Variants in KIAA1671 observed in about 807,000 individuals in gnomAD.
The protein encoded by KIAA1671 is uncharacterized protein KIAA1671.
Under a neutral mutation model 131.2 loss-of-function variants are expected in KIAA1671, and 52 were observed. The ratio of observed to expected loss-of-function variants is 0.40; its 90% CI spans 0.32 to 0.50. KIAA1671 has a LOEUF of 0.50. Among genes scored for constraint, KIAA1671 ranks in the 20% least tolerant of loss-of-function variants. The probability of loss-of-function intolerance (pLI) is 0.73; values close to 1 mark genes in which losing one functional copy is unlikely to be tolerated. For missense variants in KIAA1671, 2,360 were observed against 2,364.2 expected (o/e 1.00, Z 0.04); for synonymous variants, 1,003 against 961.6 (o/e 1.04, Z -0.80).
At chr22:25,143,695 G>A (rs1339019002) in intron 6 of KIAA1671, among the ~76,000 whole-genome samples, 1 of 152,126 alleles carries the variant, frequency 6.6e-6, no homozygotes, top group African/African-American at 2.4e-5. Flanking sequence ...CCCTGCAGAT[G>A]ACATGCACCA....
chr22:25,160,709 A>G (rs898468635), intron 6 of KIAA1671, among the ~76,000 whole-genome samples: 1 of 152,116 alleles, frequency 6.6e-6, no homozygotes, highest in Non-Finnish European at 1.5e-5. Flanking sequence ...ACACCTGACT[A>G]CACCTGGCCA....
Position 25,039,799 on chromosome 22 carries a change from C to T in KIAA1671, c.2669C>T (p.Ala890Val). 1 of 1,516,288 alleles carries T rather than the reference C, an allele frequency of 6.6e-7. No individual in the cohort carries two copies. Among genetic ancestry groups the T allele is most frequent in the Non-Finnish European group, 8.9e-7 (1 of 1,127,394 alleles). The allele number at this position is 1,516,288 out of a possible 1,614,324, so 93.9% of individuals were successfully genotyped here. ...QGCPLDPLSR[A>V]TNGPSDSQAR... Reference sequence around the variant, plus strand: ...TGCCCCCTCGATCCTCTTTCCAGGGCTACGAATGGGCCTTCTGACTCCCAA... The same window carrying T: ...TGCCCCCTCGATCCTCTTTCCAGGGTTACGAATGGGCCTTCTGACTCCCAA... The change falls in exon 5 of 13, where the codon GCT becomes GTT. Residue 890 changes from alanine (A) to valine (V), a missense_variant. Around this residue, in one of 3 missense-constraint regions of KIAA1671, gnomAD observed 1,161 missense variants for 1,204.7 expected, o/e 0.96. Coordinates refer to ENST00000358431, the MANE Select transcript of KIAA1671 (RefSeq NM_001145206.2).
chr22:24,962,864 T>A (rs1276155308), intron 1 of KIAA1671, among the ~76,000 whole-genome samples: 2 of 152,052 alleles, frequency 1.3e-5, no homozygotes, highest in African/African-American at 4.8e-5. Context: ...AGAGCAGGCC[T>A]TTGAGGATGG....
chr22:25,188,133 T>A (rs1350175227), intron 11 of KIAA1671, among the ~76,000 whole-genome samples: 3 of 152,102 alleles, frequency 2.0e-5, no homozygotes, highest in African/African-American at 7.2e-5. Context: ...ACCCCATCTC[T>A]ACTAAAAATA....
intron 6 of KIAA1671, among the ~76,000 whole-genome samples, chr22:25,131,760 T>C (rs1932450706): frequency 6.6e-6 from 1 of 152,234 alleles, no homozygotes; most frequent in Non-Finnish European, 1.5e-5. Context: ...CACTGAAGCA[T>C]CTCAGGTTGG....
chr22:25,155,381 G>C (rs1274368898), intron 6 of KIAA1671, among the ~76,000 whole-genome samples: 1 of 152,014 alleles, frequency 6.6e-6, no homozygotes, highest in African/African-American at 2.4e-5. Context: ...TATATGTTTT[G>C]TGTGTATGTG....
intron 6 of KIAA1671, among the ~76,000 whole-genome samples, chr22:25,138,196 C>T (rs1932751937): frequency 6.6e-6 from 1 of 152,166 alleles, no homozygotes; most frequent in African/African-American, 2.4e-5. Flanking sequence ...TGTTCCATGT[C>T]ATCTTTACTC....
intron 1 of KIAA1671, among the ~76,000 whole-genome samples, chr22:24,967,444 G>A (rs5752027): frequency 0.42 from 64,598 of 152,094 alleles, 15,927 homozygotes; most frequent in East Asian, 0.75. Flanking sequence ...CTCTCCCATC[G>A]GAAGTTCCAG....
At chr22:24,999,932 T>G (rs1474406451) in intron 1 of KIAA1671, among the ~76,000 whole-genome samples, 1 of 152,132 alleles carries the variant, frequency 6.6e-6, no homozygotes, top group Non-Finnish European at 1.5e-5. Context: ...TTGCCTAGGC[T>G]GGAGTGCAGT....
chr22:25,191,001 G>A (rs377415693), intron 12 of KIAA1671, among the ~76,000 whole-genome samples: 22 of 152,300 alleles, frequency 1.4e-4, no homozygotes, highest in East Asian at 5.8e-4. Context: ...GCTGCCTGGA[G>A]TGGGTGAAAG....
rs185410466 is a variant in KIAA1671, at chr22:24,975,309, T to G, written c.-208+22537T>G. Among the ~76,000 whole-genome samples the G allele has an allele frequency of 1.4e-3, 206 of 151,726 alleles. 1 individual carries two copies. The highest frequency in any genetic ancestry group is 3.6e-3 in the Admixed American group (54 of 15,020). On this transcript the variant is annotated intron_variant, in intron 1 of 12. Coordinates refer to ENST00000358431, the MANE Select transcript of KIAA1671 (RefSeq NM_001145206.2). ...TCATGTCATAACAAGTATCAGTGATTCTTTTTTTTTTTTTCAGTTTTTTTT... is the reference window on the plus strand; with the variant it reads ...TCATGTCATAACAAGTATCAGTGATGCTTTTTTTTTTTTTCAGTTTTTTTT...
At chr22:24,970,180 G>C (rs1922524107) in intron 1 of KIAA1671, among the ~76,000 whole-genome samples, 2 of 152,144 alleles carry the variant, frequency 1.3e-5, no homozygotes, top group African/African-American at 2.4e-5. Flanking sequence ...AGCTCACCAA[G>C]AACCCTTCCA....
intron 6 of KIAA1671, among the ~76,000 whole-genome samples, chr22:25,151,199 A>G (rs1331418056): frequency 6.6e-6 from 1 of 151,874 alleles, no homozygotes; most frequent in East Asian, 1.9e-4. Context: ...AAGTTTATAG[A>G]GAGAAACAAG....
chr22:25,076,972 G>T (rs373668162), intron 6 of KIAA1671, among the ~76,000 whole-genome samples: 12 of 152,290 alleles, frequency 7.9e-5, no homozygotes, highest in Non-Finnish European at 1.6e-4. Context: ...CCCCGGCTAG[G>T]AAGTGCTAGA....
chr22:24,995,525 C>T (rs1319871728), intron 1 of KIAA1671, among the ~76,000 whole-genome samples: 2 of 151,094 alleles, frequency 1.3e-5, no homozygotes, highest in Non-Finnish European at 3.0e-5. Context: ...TCTGGCTAAT[C>T]GTTTTTGTAT....
intron 1 of KIAA1671, among the ~76,000 whole-genome samples, chr22:24,953,397 G>A (rs1004249033): frequency 5.3e-5 from 8 of 152,094 alleles, no homozygotes; most frequent in African/African-American, 1.9e-4. Flanking sequence ...GGGGAGCCCG[G>A]AGGACAGCGC....
chr22:25,128,766 T>TAG (rs1932301043), intron 6 of KIAA1671, among the ~76,000 whole-genome samples: 3 of 152,204 alleles, frequency 2.0e-5, no homozygotes, highest in African/African-American at 7.2e-5. Flanking sequence ...AGATCTCCAT[T>TAG]TATGTAGCTG....
At chr22:25,018,177 T>C (rs1987793760) in intron 1 of KIAA1671, among the ~76,000 whole-genome samples, 1 of 152,054 alleles carries the variant, frequency 6.6e-6, no homozygotes, top group African/African-American at 2.4e-5. Context: ...TTTCAGTGTT[T>C]CCTTTCCTCC....
chr22:24,987,323 A>T (rs983684875), intron 1 of KIAA1671, among the ~76,000 whole-genome samples: 3 of 151,912 alleles, frequency 2.0e-5, no homozygotes, highest in African/African-American at 7.3e-5. Context: ...GGCGCCTGCC[A>T]CCATGCCCGG....
Sources: gnomAD v4.1 joint callset for allele counts (sites outside exome capture counted in the v4.1 genomes callset) on GRCh38, gnomAD v4.1.1 for gene constraint, gnomAD v4.1.1 regional missense constraint, MANE v1.5 for transcripts, NCBI Gene and HGNC (gene_info 2026-07-23, HGNC 2026-07-21) for gene names.